Variants in BICDL1 observed in about 807,000 individuals in gnomAD.
BICDL1 encodes the protein BICD family-like cargo adapter 1.
Under a neutral mutation model 76.8 loss-of-function variants are expected in BICDL1, and 20 were observed. That is an observed-to-expected ratio of 0.26 (90% confidence interval 0.18 to 0.38). BICDL1 has a LOEUF of 0.38. Among genes scored for constraint, BICDL1 ranks in the 10% least tolerant of loss-of-function variants. BICDL1 has a pLI of 1.00. For missense variants in BICDL1, 700 were observed against 798.6 expected (o/e 0.88, Z 1.49); for synonymous variants, 383 against 337.1 (o/e 1.14, Z -1.49).
intron 2 of BICDL1, chr12:120,057,146 A>G (rs1952991846): frequency 1.9e-6 from 1 of 516,846 alleles, no homozygotes; most frequent in Non-Finnish European, 3.9e-6. Context: ...CAGGTTCCCA[A>G]TTATTACAGA....
intron 1 of BICDL1, among the ~76,000 whole-genome samples, chr12:119,991,103 A>G (rs769764646): frequency 5.9e-5 from 9 of 152,054 alleles, no homozygotes; most frequent in Non-Finnish European, 1.2e-4. Flanking sequence ...AAGGGCCTTG[A>G]ATGCAGTACA....
At chr12:120,024,397 GAA>G (rs1015165075) in intron 2 of BICDL1, among the ~76,000 whole-genome samples, 3 of 152,286 alleles carry the variant, frequency 2.0e-5, no homozygotes, top group African/African-American at 7.2e-5. Flanking sequence ...CATTACAAGA[GAA>G]AAGATTTCAT....
At position 119,990,040 on chromosome 12, in the gene BICDL1, G is replaced by A. The variant is rs868106110; in HGVS notation, c.172G>A (p.Glu58Lys). 6.5e-7 allele frequency: 1 copy of A among 1,529,940 alleles called. No individual in the cohort carries two copies. Among genetic ancestry groups the A allele is most frequent in the African/African-American group, 1.4e-5 (1 of 71,610 alleles). The allele number at this position is 1,529,940 out of a possible 1,614,324, so 94.8% of individuals were successfully genotyped here. A position where few individuals can be genotyped will look rare whatever the true frequency, so the allele number is the denominator to read the frequency against. ...CGGGGAGCTAGAACTGGCGTTAGAGGAGGAGCTGGCGCTGCTGGCGGCCGG... is the reference window on the plus strand; with the variant it reads ...CGGGGAGCTAGAACTGGCGTTAGAGAAGGAGCTGGCGCTGCTGGCGGCCGG... ...GSGELELALE[E>K]ELALLAAGER... The change falls in exon 1 of 10, where the codon GAG (glutamate) becomes AAG (lysine). Residue 58 changes from glutamate to lysine, a missense_variant. Glu to Lys is a moderately conservative substitution (Grantham distance 56). Coordinates refer to ENST00000548673, the MANE Select transcript of BICDL1 (RefSeq NM_001367886.1).
intron 9 of BICDL1, chr12:120,091,262 A>T: frequency 8.9e-7 from 1 of 1,122,458 alleles, no homozygotes. Context: ...TGTTCCATCC[A>T]CTGAGGGACC....
chr12:120,090,259 C>A lies in BICDL1; in HGVS notation c.1704+188C>A, dbSNP rs1018365254. 1.1e-5 allele frequency: 7 copies of A among 655,510 alleles called. No individual in the cohort carries two copies. The Admixed American group carries it at 1.7e-4, about 16-fold the overall frequency. The allele number at this position is 655,510 out of a possible 1,614,324, so 40.6% of individuals were successfully genotyped here. Reference sequence around the variant, plus strand: ...CCTTGGGGAAGAATGCTTAAGGATGCTTTTGAGCGACAGTGCCCAGGCTGC... The same window carrying A: ...CCTTGGGGAAGAATGCTTAAGGATGATTTTGAGCGACAGTGCCCAGGCTGC... On this transcript the variant is annotated intron_variant, in intron 9 of 9. Coordinates refer to ENST00000548673, the MANE Select transcript of BICDL1 (RefSeq NM_001367886.1).
intron 2 of BICDL1, among the ~76,000 whole-genome samples, chr12:120,017,902 CA>C (rs1402151506): frequency 6.6e-6 from 1 of 152,184 alleles, no homozygotes; most frequent in Non-Finnish European, 1.5e-5. Context: ...CTGCTTTTCA[CA>C]AACTTTTTTG....
In BICDL1 at chr12:120,081,968, A is replaced by C. The variant is rs547126533; in HGVS notation, c.1583+951A>C. ...ACAATACAATGATCACACTTGAAAA[A>C]AATAATTTCTTAATAATATCAGAAT... On this transcript the variant is annotated intron_variant, in intron 8 of 9. Transcript: ENST00000548673. 4.6e-5 allele frequency among the ~76,000 whole-genome samples: 7 copies of C among 151,814 alleles called. No individual in the cohort carries two copies. In the South Asian group the frequency reaches 1.2e-3, roughly 27 times the overall value.
intron 2 of BICDL1, among the ~76,000 whole-genome samples, chr12:120,018,461 C>T (rs1471895209): frequency 6.6e-6 from 1 of 152,156 alleles, no homozygotes; most frequent in Non-Finnish European, 1.5e-5. Flanking sequence ...GTAGCACAGT[C>T]AGTGTCTGAG....
intron 2 of BICDL1, among the ~76,000 whole-genome samples, chr12:120,032,539 A>G (rs1394439167): frequency 2.0e-5 from 3 of 152,184 alleles, no homozygotes; most frequent in Non-Finnish European, 1.5e-5. Context: ...TATCATTTAT[A>G]TGGCACTGCC....
intron 8 of BICDL1, among the ~76,000 whole-genome samples, chr12:120,086,885 G>C (rs1218977092): frequency 6.6e-6 from 1 of 152,238 alleles, no homozygotes; most frequent in Non-Finnish European, 1.5e-5. Context: ...TGTCCCAACG[G>C]TGCAGCGCGT....
At chr12:120,022,857 T>G (rs1952211727) in intron 2 of BICDL1, among the ~76,000 whole-genome samples, 1 of 152,118 alleles carries the variant, frequency 6.6e-6, no homozygotes, top group Admixed American at 6.5e-5. Context: ...GTGAATCCAG[T>G]GAGACCGGTG....
At chr12:120,080,632 G>C (rs1291533817) in intron 7 of BICDL1, 5 of 356,500 alleles carry the variant, frequency 1.4e-5, no homozygotes, top group Non-Finnish European at 2.2e-5. Context: ...GGAAGATCTG[G>C]CCTACGGCTG....
chr12:119,996,443 T>G (rs1394572831), intron 1 of BICDL1, among the ~76,000 whole-genome samples: 1 of 152,204 alleles, frequency 6.6e-6, no homozygotes, highest in African/African-American at 2.4e-5. Context: ...AGAACTTATT[T>G]TCTTGCATGA....
chr12:120,032,273 C>T, intron 2 of BICDL1, among the ~76,000 whole-genome samples: 1 of 152,032 alleles, frequency 6.6e-6, no homozygotes, highest in South Asian at 2.1e-4. Context: ...GCTTTGGGGT[C>T]CTGAAGAATG....
intron 2 of BICDL1, among the ~76,000 whole-genome samples, chr12:120,017,211 A>G (rs1313022997): frequency 6.6e-6 from 1 of 152,200 alleles, no homozygotes. Context: ...GTTGTTTTAT[A>G]TCAGCAGATT....
chr12:120,070,201 A>G (rs1029898998), intron 4 of BICDL1, among the ~76,000 whole-genome samples: 7 of 152,120 alleles, frequency 4.6e-5, no homozygotes, highest in Non-Finnish European at 7.3e-5. Flanking sequence ...GAAACTGCCT[A>G]TTTTCCAAAG....
intron 1 of BICDL1, among the ~76,000 whole-genome samples, chr12:119,991,052 C>T (rs1383440484): frequency 7.9e-6 from 1 of 127,242 alleles, no homozygotes; most frequent in Non-Finnish European, 1.7e-5. Context: ...GTTCTCTAGG[C>T]AGTCTTTCAG....
chr12:120,076,030 A>G (rs1873520011), intron 7 of BICDL1, among the ~76,000 whole-genome samples: 2 of 152,258 alleles, frequency 1.3e-5, no homozygotes, highest in Admixed American at 1.3e-4. Context: ...GTGATGGCAC[A>G]TGCCTATAAT....
At chr12:120,024,571 AC>A (rs1288233778) in intron 2 of BICDL1, among the ~76,000 whole-genome samples, 1 of 152,226 alleles carries the variant, frequency 6.6e-6, no homozygotes, top group African/African-American at 2.4e-5. Context: ...TGAATGCCAA[AC>A]ACAAGAAACA....
Sources: allele counts gnomAD v4.1 joint callset (sites outside exome capture counted in the v4.1 genomes callset), GRCh38; gene constraint gnomAD v4.1.1; transcripts MANE v1.5; gene names NCBI Gene and HGNC (gene_info 2026-07-23, HGNC 2026-07-21).